The following LAPTM5 variants were observed in gnomAD, a reference collection of about 807,000 sequenced individuals.
The protein encoded by LAPTM5 is lysosomal protein transmembrane 5.
A neutral mutation model predicts 30.1 loss-of-function variants in LAPTM5; 11 were observed. The ratio of observed to expected loss-of-function variants is 0.37; its 90% CI spans 0.23 to 0.60. The LOEUF is 0.60. Ranked by LOEUF, LAPTM5 falls within the 20% of genes least tolerant of loss-of-function variation. LAPTM5 has a pLI of 0.71. For synonymous variants in LAPTM5, 151 were observed against 137.9 expected, an observed-to-expected ratio of 1.10 and a Z score of -0.67; for missense variants, 324 against 332.5, an observed-to-expected ratio of 0.97 and a Z score of 0.20.
At chr1:30,737,414 T>A (rs1376609244) in intron 6 of LAPTM5, among the ~76,000 whole-genome samples, 190 bp downstream of exon 6, 1 of 152,054 alleles carries the variant, frequency 6.6e-6, no homozygotes, top group Non-Finnish European at 1.5e-5. Flanking sequence ...ATGCCCTAAA[T>A]GGGCTGTCTC....
intron 1 of LAPTM5, among the ~76,000 whole-genome samples, chr1:30,747,416 G>A (rs561407415): frequency 6.6e-6 from 1 of 152,198 alleles, no homozygotes; most frequent in South Asian, 2.1e-4. Context: ...AATCAGCTCT[G>A]TCCTCCTGCC....
intron 1 of LAPTM5, among the ~76,000 whole-genome samples, chr1:30,756,996 GC>G (rs1186212698): frequency 6.6e-6 from 1 of 152,228 alleles, no homozygotes; most frequent in Non-Finnish European, 1.5e-5. Context: ...ACCAGTGACA[GC>G]CGTGACTTCA....
At chr1:30,750,408 A>G (rs930041452) in intron 1 of LAPTM5, among the ~76,000 whole-genome samples, 2 of 152,240 alleles carry the variant, frequency 1.3e-5, no homozygotes, top group African/African-American at 4.8e-5. Context: ...GGCCCTCTGT[A>G]TCACGGGCTC....
chr1:30,734,009 C>A (rs964260633), intron 7 of LAPTM5, 92 bp from the exon 8 acceptor site: 29 of 1,338,968 alleles, frequency 2.2e-5, no homozygotes, highest in Non-Finnish European at 3.0e-5. Context: ...CCACCTCTGG[C>A]AAAATGATGA....
At chr1:30,745,271 C>A (rs182282731) in intron 1 of LAPTM5, among the ~76,000 whole-genome samples, 2 of 152,232 alleles carry the variant, frequency 1.3e-5, no homozygotes, top group African/African-American at 4.8e-5. Flanking sequence ...TTGCCCAAGG[C>A]CTCCCAGCTG....
chr1:30,738,204 C>G (rs931882292), intron 5 of LAPTM5, among the ~76,000 whole-genome samples: 1 of 152,222 alleles, frequency 6.6e-6, no homozygotes, highest in Non-Finnish European at 1.5e-5. Context: ...TTTATTTCCT[C>G]TCCCCTTGAG....
chr1:30,757,125 C>T (rs1301292364), intron 1 of LAPTM5, among the ~76,000 whole-genome samples: 1 of 152,208 alleles, frequency 6.6e-6, no homozygotes, highest in Non-Finnish European at 1.5e-5. Context: ...TGAGAGGACA[C>T]GGCCCCTGCC....
intron 3 of LAPTM5, among the ~76,000 whole-genome samples, chr1:30,741,313 C>G (rs1176848506): frequency 6.6e-6 from 1 of 152,232 alleles, no homozygotes; most frequent in Non-Finnish European, 1.5e-5. Flanking sequence ...AACACTTCCT[C>G]TTTTCACTCT....
At chr1:30,752,931 C>T (rs1221486981) in intron 1 of LAPTM5, among the ~76,000 whole-genome samples, 2 of 152,184 alleles carry the variant, frequency 1.3e-5, no homozygotes, top group Non-Finnish European at 2.9e-5. Flanking sequence ...CTCAGCCTCC[C>T]GCGTAGCTTG....
intron 3 of LAPTM5, among the ~76,000 whole-genome samples, chr1:30,741,080 G>C (rs554573100): frequency 3.3e-5 from 5 of 152,310 alleles, no homozygotes; most frequent in Admixed American, 1.3e-4. Flanking sequence ...GGGCCCAGGA[G>C]CCCCTCGTTG....
chr1:30,733,515 T>C lies in LAPTM5; in HGVS notation c.*313A>G, dbSNP rs1390439166. 2 of 1,430,802 alleles carry C rather than the reference T, an allele frequency of 1.4e-6. No homozygotes were observed. The highest frequency in any genetic ancestry group is 1.4e-5 in the African/African-American group (1 of 70,370). 88.6% of individuals were successfully genotyped at this position (1,430,802 alleles called of 1,614,324 possible). On this transcript the variant is annotated 3_prime_UTR_variant, in exon 8 of 8. Transcript: ENST00000294507. The stretch of plus-strand genomic sequence containing the variant: ...TTGGCTGAACTGATCAAGTCGATAG[T>C]TGCTTGACAAACTCACCAACTTTAG...
At position 30,746,866 on chromosome 1, in the gene LAPTM5, G is replaced by T. The variant is rs747607677; in HGVS notation, c.88-4317C>A. Among the ~76,000 whole-genome samples the T allele has an allele frequency of 2.0e-5, 3 of 152,152 alleles. No individual in the cohort carries two copies. Among genetic ancestry groups the T allele is most frequent in the South Asian group, 4.1e-4 (2 of 4,822 alleles). On this transcript the variant is annotated intron_variant, in intron 1 of 7. Transcript: ENST00000294507. This position sits in a 1 kb window ranked among gnomAD's most constrained non-coding sequence, Gnocchi z 4.0. Reference sequence around the variant, plus strand: ...ATGGAATCGTGTGGTGCGCGGAGCCGGGCACACAGCAGGTGCACCATAAAC... The same window carrying T: ...ATGGAATCGTGTGGTGCGCGGAGCCTGGCACACAGCAGGTGCACCATAAAC...
chr1:30,751,756 G>T (rs1569874175), intron 1 of LAPTM5, among the ~76,000 whole-genome samples: 1 of 152,112 alleles, frequency 6.6e-6, no homozygotes. Flanking sequence ...AGGGGCGGGG[G>T]GCCTTGTGTT....
chr1:30,748,903 T>A (rs1640088121), intron 1 of LAPTM5, among the ~76,000 whole-genome samples: 1 of 152,230 alleles, frequency 6.6e-6, no homozygotes, highest in Non-Finnish European at 1.5e-5. Context: ...ACTTCATCTG[T>A]AACATTTCCT....
chr1:30,740,316 T>TAGGAGTGAACAGG (rs1402944771), intron 3 of LAPTM5, among the ~76,000 whole-genome samples: 3 of 151,770 alleles, frequency 2.0e-5, no homozygotes, highest in Non-Finnish European at 4.4e-5. Context: ...GGAAGGAGAC[T>TAGGAGTGAACAGG]AGGAGTGAAC....
intron 1 of LAPTM5, among the ~76,000 whole-genome samples, chr1:30,756,676 G>A (rs377588590): frequency 2.3e-3 from 344 of 152,344 alleles, no homozygotes; most frequent in Non-Finnish European, 4.2e-3. Context: ...TGCCCTGCCT[G>A]TGACAGGAAG....
In LAPTM5 at chr1:30,739,165, A is replaced by G; in HGVS notation, c.388-103T>C. 7.1e-7 allele frequency: 1 copy of G among 1,411,214 alleles called. No individual in the cohort carries two copies. The highest frequency in any genetic ancestry group is 9.6e-7 in the Non-Finnish European group (1 of 1,040,316). The allele number at this position is 1,411,214 out of a possible 1,614,324, so 87.4% of individuals were successfully genotyped here. Reference sequence around the variant, plus strand: ...CCTCACTTGAGAGACCGTCTCAGCTACAGACATCAGTGACTCTCGTCCCCT... The same window carrying G: ...CCTCACTTGAGAGACCGTCTCAGCTGCAGACATCAGTGACTCTCGTCCCCT... On this transcript the variant is annotated intron_variant, in intron 4 of 7. Coordinates refer to ENST00000294507, the MANE Select transcript of LAPTM5 (RefSeq NM_006762.3). The surrounding 1 kb of genome is among the most constrained non-coding windows in gnomAD (Gnocchi z 4.2).
At chr1:30,756,484 C>T (rs1024309997) in intron 1 of LAPTM5, among the ~76,000 whole-genome samples, 1 of 152,224 alleles carries the variant, frequency 6.6e-6, no homozygotes, top group Non-Finnish European at 1.5e-5. Context: ...TGATAATTCA[C>T]ATCCCCATTT....
At chr1:30,756,093 C>T (rs1480505839) in intron 1 of LAPTM5, among the ~76,000 whole-genome samples, 8 of 152,200 alleles carry the variant, frequency 5.3e-5, no homozygotes, top group Admixed American at 5.2e-4. Flanking sequence ...TGAGCCCATA[C>T]AGCCAGTTAG....
Sources: gnomAD v4.1 joint callset for allele counts (sites outside exome capture counted in the v4.1 genomes callset) on GRCh38, gnomAD v4.1.1 for gene constraint, Gnocchi (gnomAD v3.1) non-coding constraint, MANE v1.5 for transcripts, NCBI Gene and HGNC (gene_info 2026-07-23, HGNC 2026-07-21) for gene names.